Variants in FNDC3B observed in about 807,000 individuals in gnomAD.
FNDC3B encodes the protein fibronectin type III domain containing 3B.
FNDC3B carries 12 observed loss-of-function variants against 151.5 expected under a neutral mutation model. The ratio of observed to expected loss-of-function variants is 0.08; its 90% CI spans 0.05 to 0.13. The LOEUF is 0.13. Ranked by LOEUF, FNDC3B falls within the 10% of genes least tolerant of loss-of-function variation. The pLI, the probability that FNDC3B is intolerant of heterozygous loss-of-function variation, is 1.00. For synonymous variants in FNDC3B, 528 were observed against 549.0 expected (o/e 0.96, Z 0.54); for missense variants, 1,214 against 1,505.3 (o/e 0.81, Z 3.20).
chr3:172,118,950 C>T (rs1304107068), intron 2 of FNDC3B, among the ~76,000 whole-genome samples: 5 of 151,626 alleles, frequency 3.3e-5, no homozygotes, highest in Non-Finnish European at 7.4e-5. Flanking sequence ...GGGCGGATCA[C>T]GAGGTCAGGA....
chr3:172,291,897 T>G (rs928525999), intron 7 of FNDC3B, among the ~76,000 whole-genome samples: 5 of 152,174 alleles, frequency 3.3e-5, no homozygotes, highest in Non-Finnish European at 7.3e-5. Flanking sequence ...ATATGAGTGT[T>G]GTTGCTCTGA....
At chr3:172,050,508 G>C (rs536760377) in intron 1 of FNDC3B, among the ~76,000 whole-genome samples, 3 of 151,354 alleles carry the variant, frequency 2.0e-5, no homozygotes, top group Admixed American at 6.6e-5. Flanking sequence ...CTCAGCCTCC[G>C]GAGCAGCTGG....
intron 9 of FNDC3B, among the ~76,000 whole-genome samples, chr3:172,300,843 A>C (rs927486602): frequency 6.6e-6 from 1 of 152,218 alleles, no homozygotes; most frequent in Admixed American, 6.5e-5. Flanking sequence ...AAAAACGTCT[A>C]TAGTCCAGAT....
intron 23 of FNDC3B, among the ~76,000 whole-genome samples, chr3:172,374,839 G>T (rs1735057091): frequency 6.6e-6 from 1 of 152,182 alleles, no homozygotes; most frequent in Non-Finnish European, 1.5e-5. Context: ...GCCAATTCCA[G>T]TCTCAGAAAT....
At chr3:172,298,813 T>A in intron 9 of FNDC3B, 26 bp downstream of exon 9, 1 of 1,556,760 alleles carries the variant, frequency 6.4e-7, no homozygotes, top group Non-Finnish European at 8.7e-7. Context: ...AGAGCCAAAC[T>A]GTATTGGAGA....
At chr3:172,284,571 A>G (rs557338829) in intron 6 of FNDC3B, among the ~76,000 whole-genome samples, 26 of 151,982 alleles carry the variant, frequency 1.7e-4, no homozygotes, top group African/African-American at 6.0e-4. Context: ...AGATGAATTT[A>G]AGATTAAACC....
At chr3:172,215,895 TA>T (rs1211231041) in intron 3 of FNDC3B, among the ~76,000 whole-genome samples, 6 of 148,300 alleles carry the variant, frequency 4.0e-5, no homozygotes, top group Non-Finnish European at 6.0e-5. Context: ...ATAAGCAGAA[TA>T]GGGGGTAATT....
At chr3:172,149,636 A>G (rs1273614531) in intron 3 of FNDC3B, among the ~76,000 whole-genome samples, 1 of 152,022 alleles carries the variant, frequency 6.6e-6, no homozygotes, top group Non-Finnish European at 1.5e-5. Flanking sequence ...GAGATTTTAA[A>G]TTATCATTGA....
chr3:172,238,738 G>C (rs1208537719), intron 4 of FNDC3B, among the ~76,000 whole-genome samples: 5 of 152,110 alleles, frequency 3.3e-5, no homozygotes, highest in Non-Finnish European at 5.9e-5. Flanking sequence ...AAGAGTTAGT[G>C]CAAATTGGGA....
chr3:172,157,654 T>C (rs1362093257), intron 3 of FNDC3B, among the ~76,000 whole-genome samples: 1 of 152,196 alleles, frequency 6.6e-6, no homozygotes, highest in East Asian at 1.9e-4. Flanking sequence ...AGGATATAAG[T>C]TTTTGAGATT....
intron 10 of FNDC3B, among the ~76,000 whole-genome samples, chr3:172,308,837 C>G (rs1301569655): frequency 1.3e-5 from 2 of 152,276 alleles, no homozygotes; most frequent in Admixed American, 1.3e-4. Context: ...AAAAAATGTG[C>G]TCTATATTTA....
chr3:172,077,985 T>C (rs1166090574), intron 1 of FNDC3B, among the ~76,000 whole-genome samples: 1 of 152,124 alleles, frequency 6.6e-6, no homozygotes, highest in Admixed American at 6.5e-5. Flanking sequence ...TTTCTATTTA[T>C]TATTATTATT....
At chr3:172,357,273 T>G (rs1734142275) in intron 22 of FNDC3B, among the ~76,000 whole-genome samples, 1 of 152,214 alleles carries the variant, frequency 6.6e-6, no homozygotes, top group South Asian at 2.1e-4. Flanking sequence ...GGGATTACAT[T>G]ACTTCTCCAA....
chr3:172,090,607 A>T (rs1044329888), intron 1 of FNDC3B, among the ~76,000 whole-genome samples: 14 of 152,052 alleles, frequency 9.2e-5, no homozygotes, highest in African/African-American at 3.4e-4. Flanking sequence ...CTGAAATGGC[A>T]CCCTTTCAGT....
chr3:172,170,950 A>T (rs1395313451), intron 3 of FNDC3B, among the ~76,000 whole-genome samples: 1 of 152,140 alleles, frequency 6.6e-6, no homozygotes, highest in Non-Finnish European at 1.5e-5. Context: ...GTTTACTGTA[A>T]GATAAAACCT....
At chr3:172,188,779 T>A (rs185974407) in intron 3 of FNDC3B, among the ~76,000 whole-genome samples, 2 of 152,320 alleles carry the variant, frequency 1.3e-5, no homozygotes, top group African/African-American at 4.8e-5. Context: ...GCACATTTCA[T>A]CTTCCCGCCT....
At chr3:172,374,740 G>A (rs1735050772) in intron 23 of FNDC3B, among the ~76,000 whole-genome samples, 2 of 152,162 alleles carry the variant, frequency 1.3e-5, no homozygotes, top group Non-Finnish European at 2.9e-5. Context: ...TATCTCTGAG[G>A]TTGGTTCCAT....
intron 14 of FNDC3B, among the ~76,000 whole-genome samples, 169 bp downstream of exon 14, chr3:172,333,344 G>T (rs2108292468): frequency 6.6e-6 from 1 of 152,264 alleles, no homozygotes; most frequent in Middle Eastern, 3.4e-3. Context: ...ATTTATTTGA[G>T]ATGGAGTCTC....
chr3:172,330,427 C>A, intron 12 of FNDC3B, 114 bp from the exon 13 acceptor site: 1 of 873,258 alleles, frequency 1.1e-6, no homozygotes, highest in South Asian at 1.9e-5. Flanking sequence ...CCTGGCTTTG[C>A]TTACTCTACC....
Sources: allele counts gnomAD v4.1 joint callset (sites outside exome capture counted in the v4.1 genomes callset), GRCh38; gene constraint gnomAD v4.1.1; transcripts MANE v1.5; gene names NCBI Gene and HGNC (gene_info 2026-07-23, HGNC 2026-07-21).